The following SRGAP1 variants were observed in gnomAD, a reference collection of about 807,000 sequenced individuals.
SRGAP1 encodes the protein SLIT-ROBO Rho GTPase activating protein 1, also known as SLIT-ROBO Rho GTPase-activating protein 1.
A neutral mutation model predicts 121.9 loss-of-function variants in SRGAP1; 43 were observed. That is an observed-to-expected ratio of 0.35 (90% CI 0.28 to 0.46). The LOEUF (loss-of-function observed/expected upper bound fraction) is 0.46, where lower values mean the gene tolerates loss of function less well. SRGAP1 is among the 20% of genes least tolerant of loss of function. The pLI, the probability that SRGAP1 is intolerant of heterozygous loss-of-function variation, is 1.00. For synonymous variants in SRGAP1, 447 were observed against 485.4 expected (o/e 0.92, Z 1.04); for missense variants, 1,102 against 1,350.9 (o/e 0.82, Z 2.89).
chr12:64,155,616 T>C lies in SRGAP1; in HGVS notation c.*12944T>C, dbSNP rs2136667718. The C allele has an allele frequency of 6.6e-6, 1 of 152,118 alleles. No individual in the cohort carries two copies. Among genetic ancestry groups the C allele is most frequent in the South Asian group, 2.1e-4 (1 of 4,816 alleles). The allele number at this position is 152,118 out of a possible 1,614,324, so 9.4% of individuals were successfully genotyped here. ...TTGTTAAATATTTTTTATGTTTGTT[T>C]GTTTGCTTTGTTTTTTTTGAGACGT... On this transcript the variant is annotated 3_prime_UTR_variant, in exon 22 of 22. Coordinates refer to ENST00000355086, the MANE Select transcript of SRGAP1 (RefSeq NM_020762.4).
At chr12:63,993,463 T>G (rs1271187334) in intron 3 of SRGAP1, among the ~76,000 whole-genome samples, 1 of 152,194 alleles carries the variant, frequency 6.6e-6, no homozygotes, top group Non-Finnish European at 1.5e-5. Flanking sequence ...TGAAGCAGCC[T>G]TTAGAACTGC....
intron 4 of SRGAP1, among the ~76,000 whole-genome samples, chr12:64,021,499 A>G (rs1431976359): frequency 6.6e-6 from 1 of 152,212 alleles, no homozygotes; most frequent in Non-Finnish European, 1.5e-5. Context: ...CTCATTTGAC[A>G]GACGAGGAAA....
chr12:64,091,256 ATT>A lies in SRGAP1; in HGVS notation c.1437-19_1437-18del. 6.5e-7 allele frequency: 1 copy of A among 1,527,868 alleles called. No homozygotes were observed. 94.6% of individuals were successfully genotyped at this position (1,527,868 alleles called of 1,614,324 possible). A position where few individuals can be genotyped will look rare whatever the true frequency, so the allele number is the denominator to read the frequency against. ...TGTTTGATTTCTGCCATGCTCAGTA[ATT>A]ATATTCCCTTCCCTTAGGCCTCCAA... On this transcript the variant is annotated intron_variant, in intron 11 of 21. Coordinates refer to ENST00000355086, the MANE Select transcript of SRGAP1 (RefSeq NM_020762.4).
At chr12:64,072,590 G>C (rs1000672481) in intron 8 of SRGAP1, among the ~76,000 whole-genome samples, 9 of 152,090 alleles carry the variant, frequency 5.9e-5, no homozygotes, top group Admixed American at 5.9e-4. Flanking sequence ...GAGACATAGG[G>C]AGAAGATGGC....
Position 63,880,640 on chromosome 12 carries a change from G to A in SRGAP1, c.67+35757G>A, listed in dbSNP as rs1361147788. 3.3e-5 allele frequency among the ~76,000 whole-genome samples: 5 copies of A among 152,202 alleles called. No homozygotes were observed. In the East Asian group the frequency reaches 5.8e-4, roughly 18 times the overall value. The stretch of plus-strand genomic sequence containing the variant: ...AGTGACTCCATCACTGACCTTGAGA[G>A]CCCAGATCTCATAGGGTGTAGGTAT... On this transcript the variant is annotated intron_variant, in intron 1 of 21. Coordinates refer to ENST00000355086, the MANE Select transcript of SRGAP1 (RefSeq NM_020762.4).
At chr12:63,974,900 C>G (rs2033052959) in intron 1 of SRGAP1, among the ~76,000 whole-genome samples, 1 of 152,122 alleles carries the variant, frequency 6.6e-6, no homozygotes, top group Non-Finnish European at 1.5e-5. Flanking sequence ...TACATTTATG[C>G]AGCCTCCCAA....
At chr12:64,116,276 A>G (rs953620982) in intron 18 of SRGAP1, among the ~76,000 whole-genome samples, 1 of 142,124 alleles carries the variant, frequency 7.0e-6, no homozygotes, top group African/African-American at 2.6e-5. Context: ...AAAAAAAAAA[A>G]GTAGATTAAA....
At chr12:63,991,302 G>A (rs1181239922) in intron 3 of SRGAP1, among the ~76,000 whole-genome samples, 1 of 152,192 alleles carries the variant, frequency 6.6e-6, no homozygotes, top group Non-Finnish European at 1.5e-5. Flanking sequence ...TTATGTTTCA[G>A]AGAGGCTCCT....
At chr12:64,007,331 A>G (rs1303163121) in intron 3 of SRGAP1, among the ~76,000 whole-genome samples, 2 of 152,158 alleles carry the variant, frequency 1.3e-5, no homozygotes, top group African/African-American at 4.8e-5. Context: ...ATCATCAGGC[A>G]TTAGATTCTC....
intron 15 of SRGAP1, among the ~76,000 whole-genome samples, chr12:64,100,170 A>G (rs1212906727): frequency 2.0e-4 from 31 of 152,226 alleles, no homozygotes; most frequent in Non-Finnish European, 2.9e-5. Context: ...TACTCTGACT[A>G]TAAACTGTGG....
At chr12:64,054,195 G>A (rs1158570060) in intron 6 of SRGAP1, among the ~76,000 whole-genome samples, 2 of 152,122 alleles carry the variant, frequency 1.3e-5, no homozygotes. Context: ...GGTTGAAAGC[G>A]TGAAAGATAA....
chr12:64,040,641 A>G (rs1031064073), intron 4 of SRGAP1, among the ~76,000 whole-genome samples: 5 of 152,196 alleles, frequency 3.3e-5, no homozygotes, highest in African/African-American at 1.2e-4. Context: ...TGATTTTCAG[A>G]TAAAATCTGT....
intron 3 of SRGAP1, among the ~76,000 whole-genome samples, chr12:64,000,239 G>GGTGTGTGTGTGTGTGTGTGTGTGT (rs58289093): frequency 7.6e-6 from 1 of 131,526 alleles, no homozygotes; most frequent in Non-Finnish European, 1.6e-5. Context: ...GAAAGGTAGG[G>GGTGTGTGTGTGTGTGTGTGTGTGT]GTGTGTGTGT....
chr12:63,895,496 A>G lies in SRGAP1; in HGVS notation c.67+50613A>G, dbSNP rs145910665. On this transcript the variant is annotated intron_variant, in intron 1 of 21. Transcript: ENST00000355086. ...GACAGAGCAGATATATAACATTGCC[A>G]TCATCATAGAAATGTCTATTAGACA... 4.6e-5 allele frequency among the ~76,000 whole-genome samples: 7 copies of G among 152,360 alleles called. No individual in the cohort carries two copies. In the East Asian group the frequency reaches 7.7e-4, roughly 17 times the overall value.
intron 15 of SRGAP1, among the ~76,000 whole-genome samples, chr12:64,102,660 A>C (rs2036277327): frequency 6.6e-6 from 1 of 152,158 alleles, no homozygotes; most frequent in Non-Finnish European, 1.5e-5. Flanking sequence ...TATGAATAGA[A>C]TTATACAGTA....
chr12:64,013,420 A>G (rs2034307668), intron 3 of SRGAP1, among the ~76,000 whole-genome samples: 1 of 152,230 alleles, frequency 6.6e-6, no homozygotes, highest in African/African-American at 2.4e-5. Context: ...TTCTCAGAGC[A>G]TAGTTCAGTT....
chr12:63,851,221 T>C (rs1042793671), intron 1 of SRGAP1, among the ~76,000 whole-genome samples: 1 of 152,166 alleles, frequency 6.6e-6, no homozygotes, highest in Non-Finnish European at 1.5e-5. Context: ...AGAACTACTT[T>C]CTAATTTATT....
chr12:63,859,370 T>G (rs1469207790), intron 1 of SRGAP1, among the ~76,000 whole-genome samples: 1 of 152,070 alleles, frequency 6.6e-6, no homozygotes, highest in Non-Finnish European at 1.5e-5. Flanking sequence ...TTTCACCATG[T>G]TGAACAGGCT....
rs931971322 is a variant in SRGAP1 at position 64,150,272 on chromosome 12, C to T, written c.*7600C>T. On this transcript the variant is annotated 3_prime_UTR_variant, in exon 22 of 22. Transcript: ENST00000355086. ...GTTATGGCAGCATGATCCAGGAGAT[C>T]GTCAGCTCTAGGATATTTGCGATCC... is the stretch of plus-strand genomic sequence containing the variant. The T allele has an allele frequency of 6.6e-6, 1 of 152,092 alleles. No homozygotes were observed. Among genetic ancestry groups the T allele is most frequent in the African/African-American group, 2.4e-5 (1 of 41,416 alleles). 9.4% of individuals were successfully genotyped at this position (152,092 alleles called of 1,614,324 possible).
Sources: allele counts gnomAD v4.1 joint callset (sites outside exome capture counted in the v4.1 genomes callset), GRCh38; gene constraint gnomAD v4.1.1; transcripts MANE v1.5; gene names NCBI Gene and HGNC (gene_info 2026-07-23, HGNC 2026-07-21).